Variants in CDH6 observed in about 807,000 individuals in gnomAD.
CDH6 encodes the protein cadherin 6.
CDH6 carries 31 observed loss-of-function variants against 78.0 expected under a neutral mutation model. That is an observed-to-expected ratio of 0.40 (90% CI 0.30 to 0.54). CDH6 has a LOEUF of 0.54. Ranked by LOEUF, CDH6 falls within the 20% of genes least tolerant of loss-of-function variation. The pLI is 0.56. For synonymous variants in CDH6, 376 were observed against 368.8 expected (o/e 1.02, Z -0.23); for missense variants, 724 against 975.9 (o/e 0.74, Z 3.44).
intron 2 of CDH6, among the ~76,000 whole-genome samples, chr5:31,292,334 A>G (rs1737395678): frequency 6.6e-6 from 1 of 152,232 alleles, no homozygotes; most frequent in Non-Finnish European, 1.5e-5. Context: ...TGACATGTCA[A>G]CAGTGACTCT....
chr5:31,273,547 C>G (rs566131929), intron 2 of CDH6, among the ~76,000 whole-genome samples: 1 of 152,042 alleles, frequency 6.6e-6, no homozygotes, highest in Admixed American at 6.6e-5. Flanking sequence ...GCTAAGACCC[C>G]GACAGACGAT....
At position 31,294,010 on chromosome 5, in the gene CDH6, T is replaced by G. The variant is rs745739883; in HGVS notation, c.277T>G (p.Ser93Ala). ...RGDGSLKYILSGDGAGDLFII... is the reference protein window; with the variant it reads ...RGDGSLKYILAGDGAGDLFII... ...AGATGGATCACTTAAATATATCCTT[T>G]CAGGAGATGGAGCAGGAGATCTCTT... Residue 93 changes from serine (S) to alanine (A), a missense_variant, in exon 3 of 12, where the codon TCA (serine) becomes GCA (alanine). This residue lies in a region of CDH6 where 446 missense variants were observed against 684.5 expected (regional missense o/e 0.65). Transcript: ENST00000265071. The surrounding 1 kb of genome is among the most constrained non-coding windows in gnomAD (Gnocchi z 4.1). 3 of 1,612,650 alleles carry G rather than the reference T, an allele frequency of 1.9e-6. No individual in the cohort carries two copies. In the African/African-American group the frequency reaches 4.0e-5, roughly 22 times the overall value.
At chr5:31,227,319 G>A (rs1289631934) in intron 1 of CDH6, among the ~76,000 whole-genome samples, 1 of 152,066 alleles carries the variant, frequency 6.6e-6, no homozygotes, top group African/African-American at 2.4e-5. Context: ...ATCTACTTGG[G>A]CTTTGGGATA....
At position 31,225,035 on chromosome 5, in the gene CDH6, G is replaced by A. The variant is rs138284136; in HGVS notation, c.-129+31149G>A. 2.7e-3 allele frequency among the ~76,000 whole-genome samples: 409 copies of A among 152,244 alleles called. 5 individuals are homozygous for A. Among genetic ancestry groups the A allele is most frequent in the African/African-American group, 9.7e-3 (401 of 41,550 alleles). ...CTGTTACAACTGGGAGGTGCTACTG[G>A]TGTCTAACAGGTAGAAGCCAGGGAT... On this transcript the variant is annotated intron_variant, in intron 1 of 11. Coordinates refer to ENST00000265071, the MANE Select transcript of CDH6 (RefSeq NM_004932.4).
At chr5:31,316,510 C>A (rs973476672) in intron 9 of CDH6, among the ~76,000 whole-genome samples, 181 bp downstream of exon 9, 3 of 152,202 alleles carry the variant, frequency 2.0e-5, no homozygotes, top group Admixed American at 6.5e-5. Context: ...TTTCGAAGAA[C>A]TGGAAGTTCA....
chr5:31,200,182 T>C (rs1439454634), intron 1 of CDH6, among the ~76,000 whole-genome samples: 2 of 152,178 alleles, frequency 1.3e-5, no homozygotes, highest in African/African-American at 4.8e-5. Context: ...GTAGAAAGCA[T>C]TGTGTGGGCC....
chr5:31,227,874 G>C (rs956835643), intron 1 of CDH6, among the ~76,000 whole-genome samples: 1 of 152,202 alleles, frequency 6.6e-6, no homozygotes, highest in South Asian at 2.1e-4. Flanking sequence ...ACCAGTATTA[G>C]TTGCTTCTTG....
chr5:31,324,925 T>C lies in CDH6; in HGVS notation c.*1617T>C, dbSNP rs528907090. On this transcript the variant is annotated 3_prime_UTR_variant, in exon 12 of 12. Transcript: ENST00000265071. The stretch of plus-strand genomic sequence containing the variant: ...GAAAACCTAAAAGACAGGCTCTGTA[T>C]ATATATATACTTAAGAATATGCTGA... 8.9e-4 allele frequency: 178 copies of C among 200,576 alleles called. No homozygotes were observed. The highest frequency in any genetic ancestry group is 3.4e-3 in the Middle Eastern group (2 of 582). The allele number at this position is 200,576 out of a possible 1,614,324, so 12.4% of individuals were successfully genotyped here. A position where few individuals can be genotyped will look rare whatever the true frequency, so the allele number is the denominator to read the frequency against.
Position 31,296,817 on chromosome 5 carries a change from A to G in CDH6, c.524-472A>G, listed in dbSNP as rs566279262. 1.1e-4 allele frequency among the ~76,000 whole-genome samples: 16 copies of G among 152,238 alleles called. No homozygotes were observed. In the East Asian group the frequency reaches 3.1e-3, roughly 29 times the overall value. On this transcript the variant is annotated intron_variant, in intron 3 of 11. Coordinates refer to ENST00000265071, the MANE Select transcript of CDH6 (RefSeq NM_004932.4). ...TTGTCCTCAGGCTGGCATTTCTAAG[A>G]TCACAAAATAGCTGCTGCAAATGTA...
At position 31,302,269 on chromosome 5, in the gene CDH6, A is replaced by G. The variant is rs1737786690; in HGVS notation, c.970A>G (p.Thr324Ala). The change falls in exon 6 of 12, where the codon ACC becomes GCC. Residue 324 changes from threonine to alanine, a missense_variant. Transcript: ENST00000265071. ...DMFDVITDQE[T>A]QEGIITVKKL... ...GTTTGATGTCATCACCGACCAGGAA[A>G]CCCAGGAAGGGATTATAACTGTCAA... 1 of 1,613,600 alleles carries G rather than the reference A, an allele frequency of 6.2e-7. No homozygotes were observed. Among genetic ancestry groups the G allele is most frequent in the Non-Finnish European group, 8.5e-7 (1 of 1,179,580 alleles).
rs538951609 is a variant in CDH6 at position 31,313,525 on chromosome 5, G to A, written c.1390+71G>A. Reference sequence around the variant, plus strand: ...GTGTCCCAGCAAGGGCTGGTGGAGCGTAGCTTGTCACCATGTATTGACAAT... The same window carrying A: ...GTGTCCCAGCAAGGGCTGGTGGAGCATAGCTTGTCACCATGTATTGACAAT... On this transcript the variant is annotated intron_variant, in intron 8 of 11. Coordinates refer to ENST00000265071, the MANE Select transcript of CDH6 (RefSeq NM_004932.4). 4.2e-5 allele frequency: 59 copies of A among 1,419,314 alleles called. 1 individual carries two copies. The highest frequency in any genetic ancestry group is 3.5e-4 in the Admixed American group (19 of 54,854). 87.9% of individuals were successfully genotyped at this position (1,419,314 alleles called of 1,614,324 possible). A position where few individuals can be genotyped will look rare whatever the true frequency, so the allele number is the denominator to read the frequency against.
chr5:31,198,701 G>A (rs1339366930), intron 1 of CDH6, among the ~76,000 whole-genome samples: 1 of 152,084 alleles, frequency 6.6e-6, no homozygotes, highest in African/African-American at 2.4e-5. Context: ...TTTTACAGCA[G>A]AGGGAAACAT....
intron 1 of CDH6, among the ~76,000 whole-genome samples, chr5:31,243,960 G>A (rs972349302): frequency 6.6e-6 from 1 of 152,146 alleles, no homozygotes; most frequent in Admixed American, 6.5e-5. Flanking sequence ...CAGTTTTAAA[G>A]TTCATTTGTT....
chr5:31,285,538 G>T (rs1742988405), intron 2 of CDH6, among the ~76,000 whole-genome samples: 1 of 152,170 alleles, frequency 6.6e-6, no homozygotes, highest in African/African-American at 2.4e-5. Flanking sequence ...GCAGAGTTTA[G>T]ATGCTTTTAT....
rs150439795 is a variant in CDH6, at chr5:31,326,521, C to A, written c.*3213C>A. ...AAATAGATGTTTCTTTCAGAACTTT[C>A]CTGCCTTTACAGTTTGTGTCCATAA... On this transcript the variant is annotated 3_prime_UTR_variant, in exon 12 of 12. Transcript: ENST00000265071. 101 of 192,718 alleles carry A rather than the reference C, an allele frequency of 5.2e-4. No individual in the cohort carries two copies. Among genetic ancestry groups the A allele is most frequent in the African/African-American group, 2.2e-3 (97 of 43,160 alleles). The allele number at this position is 192,718 out of a possible 1,614,324, so 11.9% of individuals were successfully genotyped here.
At chr5:31,255,224 T>C (rs1440740446) in intron 1 of CDH6, among the ~76,000 whole-genome samples, 22 of 152,260 alleles carry the variant, frequency 1.4e-4, no homozygotes, top group Admixed American at 1.4e-3. Flanking sequence ...TGGCTTTTCC[T>C]TGGCCCTCAT....
Position 31,323,105 on chromosome 5 carries a change from G to T in CDH6, c.2170G>T (p.Asp724Tyr), listed in dbSNP as rs1379020867. 2 of 1,614,148 alleles carry T rather than the reference G, an allele frequency of 1.2e-6. No individual in the cohort carries two copies. The highest frequency in any genetic ancestry group is 1.7e-6 in the Non-Finnish European group (2 of 1,180,042). ...DFINQRLKEN[D>Y]TDPTAPPYDS... ...CATTAACCAAAGGTTAAAGGAAAAT[G>T]ACACGGACCCCACTGCCCCGCCATA... The change falls in exon 12 of 12, where the codon GAC (aspartate) becomes TAC (tyrosine). Residue 724 changes from aspartate to tyrosine, a missense_variant. Physicochemically the swap from Asp to Tyr is radical, Grantham distance 160. Around this residue, in one of 3 missense-constraint regions of CDH6, gnomAD observed 220 missense variants for 240.6 expected, o/e 0.91. Coordinates refer to ENST00000265071, the MANE Select transcript of CDH6 (RefSeq NM_004932.4).
intron 7 of CDH6, among the ~76,000 whole-genome samples, chr5:31,312,683 A>G (rs756167007): frequency 3.3e-5 from 5 of 150,870 alleles, no homozygotes; most frequent in Non-Finnish European, 7.4e-5. Context: ...AGAGTGAGAG[A>G]GTGAGACCCC....
intron 1 of CDH6, among the ~76,000 whole-genome samples, chr5:31,245,426 C>G (rs1290963500): frequency 6.6e-6 from 1 of 151,862 alleles, no homozygotes; most frequent in African/African-American, 2.4e-5. Context: ...CTGTCTTTCC[C>G]TTTCTCTCTC....
Sources: allele counts gnomAD v4.1 joint callset (sites outside exome capture counted in the v4.1 genomes callset), GRCh38; gene constraint gnomAD v4.1.1; regional missense constraint gnomAD v4.1.1; non-coding constraint Gnocchi (gnomAD v3.1); transcripts MANE v1.5; gene names NCBI Gene and HGNC (gene_info 2026-07-23, HGNC 2026-07-21).